Variants in ZIM2 observed in about 807,000 individuals in gnomAD.
The protein encoded by ZIM2 is zinc finger imprinted 2, also known as zinc finger protein 656.
ZIM2 carries 14 observed loss-of-function variants against 38.6 expected under a neutral mutation model. The observed-to-expected ratio is 0.36, with a 90% CI of 0.24 to 0.57. The LOEUF (loss-of-function observed/expected upper bound fraction) is 0.57, where lower values mean the gene tolerates loss of function less well. Ranked by LOEUF, ZIM2 falls within the 20% of genes least tolerant of loss-of-function variation. ZIM2 has a pLI of 0.81. For missense variants in ZIM2, 680 were observed against 695.1 expected (o/e 0.98, Z 0.24); for synonymous variants, 247 against 245.8 (o/e 1.00, Z -0.04).
At chr19:56,815,438 A>G (rs767858303) in intron 9 of ZIM2, 2 of 1,613,970 alleles carry the variant, frequency 1.2e-6, no homozygotes, top group African/African-American at 2.7e-5. Context: ...GACCATTCAT[A>G]GTTTCTGCTT....
intron 12 of ZIM2, among the ~76,000 whole-genome samples, chr19:56,777,077 TGAAGCCAAG>T (rs945532695): frequency 2.8e-4 from 42 of 152,182 alleles, no homozygotes; most frequent in African/African-American, 9.4e-4. Context: ...GGAAAAATAC[TGAAGCCAAG>T]GAAGTCAAGT....
At chr19:56,818,762 A>C (rs1273024228) in intron 7 of ZIM2, 60 bp from the exon 8 acceptor site, 10 of 1,582,136 alleles carry the variant, frequency 6.3e-6, no homozygotes, top group Non-Finnish European at 8.7e-6. Context: ...TCAAAGACAG[A>C]ATAATGTTGG....
intron 1 of ZIM2, among the ~76,000 whole-genome samples, chr19:56,839,506 G>C (rs111368294): frequency 2.7e-4 from 29 of 109,350 alleles, no homozygotes; most frequent in South Asian, 6.4e-4. Flanking sequence ...CCAACCAGGG[G>C]AGCACCTGCG....
At chr19:56,837,240 T>G (rs888857821) in intron 1 of ZIM2, among the ~76,000 whole-genome samples, 1 of 151,816 alleles carries the variant, frequency 6.6e-6, no homozygotes, top group African/African-American at 2.4e-5. Flanking sequence ...ACCCTACCTA[T>G]GGGGCAGCCC....
chr19:56,800,934 CTT>C lies in ZIM2; in HGVS notation c.491-10985_491-10984del, dbSNP rs776316373. Among the ~76,000 whole-genome samples, 324 of 135,958 alleles carry C rather than the reference CTT, an allele frequency of 2.4e-3. 2 individuals are homozygous for C. Among genetic ancestry groups the C allele is most frequent in the African/African-American group, 7.4e-3 (273 of 37,024 alleles). 89.2% of individuals were successfully genotyped at this position (135,958 alleles called of 152,430 possible). ...AAAACAAGGTTTCTTGATGGTATTACTTTTTTTTTTTTTTTTTTTGAGACAGA... is the reference window on the plus strand; with the variant it reads ...AAAACAAGGTTTCTTGATGGTATTACTTTTTTTTTTTTTTTTTGAGACAGA... On this transcript the variant is annotated intron_variant, in intron 9 of 12. Transcript: ENST00000629319.
intron 9 of ZIM2, chr19:56,798,832 T>G (rs2145973134): frequency 6.6e-6 from 1 of 152,220 alleles, no homozygotes; most frequent in Admixed American, 6.5e-5. Context: ...AAGAAGAAAT[T>G]TATGTGGGCA....
Position 56,818,608 on chromosome 19 carries a change from A to T in ZIM2, c.389T>A (p.Leu130His). Residue 130 changes from leucine (L) to histidine (H), a missense_variant, in exon 8 of 13, where the codon CTC becomes CAC. Transcript: ENST00000629319. The part of the protein sequence containing the change: ...QDNMENYRKL[L>H]SLGVQLAEDD... Reference sequence around the variant, plus strand: ...GAGAAGCAGCTGCTTACCGAGGGAGAGCAGCTTCCTGTAGTTTTCCATGTT... The same window carrying T: ...GAGAAGCAGCTGCTTACCGAGGGAGTGCAGCTTCCTGTAGTTTTCCATGTT... The T allele has an allele frequency of 6.2e-7, 1 of 1,614,082 alleles. No individual in the cohort carries two copies. The highest frequency in any genetic ancestry group is 8.5e-7 in the Non-Finnish European group (1 of 1,180,026).
At chr19:56,780,245 CT>C (rs66492427) in intron 11 of ZIM2, among the ~76,000 whole-genome samples, 47,208 of 128,712 alleles carry the variant, frequency 0.37, 6,470 homozygotes, top group East Asian at 0.44. Context: ...TTTCTTTTTT[CT>C]TTTTTTTTTT....
intron 2 of ZIM2, among the ~76,000 whole-genome samples, chr19:56,834,314 C>T (rs550645868): frequency 1.3e-5 from 2 of 152,154 alleles, no homozygotes; most frequent in East Asian, 3.9e-4. Context: ...TCTTGGTAAC[C>T]CTAAGCAAGG....
chr19:56,826,701 T>TA (rs1464180174), intron 2 of ZIM2, among the ~76,000 whole-genome samples: 1 of 152,152 alleles, frequency 6.6e-6, no homozygotes, highest in Non-Finnish European at 1.5e-5. Flanking sequence ...AAGACAAAGA[T>TA]ATCACTAAGA....
chr19:56,839,805 A>G (rs2062763092), intron 1 of ZIM2, among the ~76,000 whole-genome samples: 1 of 151,238 alleles, frequency 6.6e-6, no homozygotes, highest in Non-Finnish European at 1.5e-5. Context: ...CACCCTCATA[A>G]AAGATGGCAC....
At chr19:56,815,072 C>T (rs1333491823) in intron 9 of ZIM2, 1 of 1,613,852 alleles carries the variant, frequency 6.2e-7, no homozygotes. Context: ...TTCTGATGGT[C>T]TGTGAGGTCT....
At position 56,817,769 on chromosome 19, in the gene ZIM2, C is replaced by A. The variant is rs2060115764; in HGVS notation, c.467G>T (p.Ser156Ile). Reference protein sequence around the residue: ...TQGHSSRSKRSAYPSTSRGFL... With the variant: ...TQGHSSRSKRIAYPSTSRGFL... ...ACCTCGACTGGTGCTTGGGTAGGCA[C>A]TTCTCTTGGATCTTGATGAGTGGCC... is the stretch of plus-strand genomic sequence containing the variant. Residue 156 changes from serine (S) to isoleucine (I), a missense_variant, in exon 9 of 13, where the codon AGT becomes ATT. Coordinates refer to ENST00000629319, the MANE Select transcript of ZIM2 (RefSeq NM_001387356.1). The A allele has an allele frequency of 6.2e-7, 1 of 1,614,022 alleles. No homozygotes were observed. Among genetic ancestry groups the A allele is most frequent in the African/African-American group, 1.3e-5 (1 of 74,914 alleles).
intron 9 of ZIM2, chr19:56,811,404 C>T: frequency 1.1e-6 from 1 of 883,204 alleles, no homozygotes. Flanking sequence ...CTGCTTTCTC[C>T]ACTTAATGTT....
chr19:56,813,935 GTTC>G (rs1568612984), intron 9 of ZIM2: 2 of 1,614,148 alleles, frequency 1.2e-6, no homozygotes, highest in Admixed American at 1.7e-5. Context: ...TCATAGTATG[GTTC>G]TTCTACCTGA....
chr19:56,782,545 G>A, intron 10 of ZIM2: 1 of 432,542 alleles, frequency 2.3e-6, no homozygotes, highest in Non-Finnish European at 4.6e-6. Flanking sequence ...AAATCAAAAT[G>A]ACAAAATACC....
intron 10 of ZIM2, chr19:56,782,426 CTCTGGT>C: frequency 2.1e-6 from 1 of 469,340 alleles, no homozygotes; most frequent in South Asian, 1.6e-5. Flanking sequence ...AGAGTCCTGG[CTCTGGT>C]TCTTTGTGAG....
chr19:56,788,899 G>C (rs1177554680), intron 10 of ZIM2, among the ~76,000 whole-genome samples: 2 of 150,858 alleles, frequency 1.3e-5, no homozygotes, highest in African/African-American at 2.4e-5. Context: ...TCATTAAATT[G>C]ATCTCCAGTC....
chr19:56,822,554 C>A, intron 6 of ZIM2, 199 bp downstream of exon 6: 1 of 562,034 alleles, frequency 1.8e-6, no homozygotes, highest in Non-Finnish European at 3.0e-6. Context: ...TAGGTGGCAA[C>A]AGGTCTATGT....
Sources: allele counts gnomAD v4.1 joint callset (sites outside exome capture counted in the v4.1 genomes callset), GRCh38; gene constraint gnomAD v4.1.1; transcripts MANE v1.5; gene names NCBI Gene and HGNC (gene_info 2026-07-23, HGNC 2026-07-21).